The following IGSF10 variants were observed in gnomAD, a reference collection of about 807,000 sequenced individuals.
The protein encoded by IGSF10 is calvaria mechanical force protein 608.
IGSF10 carries 126 observed loss-of-function variants against 128.2 expected under a neutral mutation model. That is an observed-to-expected ratio of 0.98 (90% CI 0.85 to 1.14). The LOEUF (loss-of-function observed/expected upper bound fraction) is 1.14, where lower values mean the gene tolerates loss of function less well. IGSF10 is among the 50% of genes most tolerant of loss of function. The pLI is 0.00. For synonymous variants in IGSF10, 1,185 were observed against 1,146.2 expected (o/e 1.03, Z -0.68); for missense variants, 3,295 against 3,149.8 (o/e 1.05, Z -1.10).
chr3:151,504,410 C>G, the IGSF10 span, among the ~76,000 whole-genome samples: 37 of 152,130 alleles, frequency 2.4e-4, no homozygotes, highest in African/African-American at 8.9e-4. Flanking sequence ...GAGGTAATAC[C>G]TGAAGAGATA....
the IGSF10 span, among the ~76,000 whole-genome samples, chr3:151,530,029 G>A: frequency 3.3e-5 from 5 of 151,830 alleles, no homozygotes; most frequent in African/African-American, 1.2e-4. Context: ...ACCTGATGGA[G>A]CTGAAAAACA....
At chr3:151,590,610 A>C in the IGSF10 span, among the ~76,000 whole-genome samples, 1 of 152,198 alleles carries the variant, frequency 6.6e-6, no homozygotes, top group African/African-American at 2.4e-5. Flanking sequence ...CAGGAAAAAA[A>C]TGTGAGAGTG....
chr3:151,583,691 G>A, the IGSF10 span, among the ~76,000 whole-genome samples: 7 of 152,132 alleles, frequency 4.6e-5, no homozygotes, highest in South Asian at 4.1e-4. Context: ...AAACCTGCAC[G>A]TTGTGCACAT....
At chr3:151,532,612 C>T in the IGSF10 span, among the ~76,000 whole-genome samples, 591 of 152,158 alleles carry the variant, frequency 3.9e-3, 6 homozygotes, top group African/African-American at 0.012. Flanking sequence ...AAAAGGCCTT[C>T]GACAACACTC....
At chr3:151,484,019 C>T in the IGSF10 span, among the ~76,000 whole-genome samples, 1 of 152,244 alleles carries the variant, frequency 6.6e-6, no homozygotes, top group African/African-American at 2.4e-5. Context: ...CGGGTCCCAC[C>T]TCCACGGAGC....
At chr3:151,560,110 T>C in the IGSF10 span, among the ~76,000 whole-genome samples, 1 of 152,142 alleles carries the variant, frequency 6.6e-6, no homozygotes, top group Admixed American at 6.6e-5. Flanking sequence ...CTTTTTGGTA[T>C]ATTGATTATT....
At chr3:151,548,033 T>C in the IGSF10 span, among the ~76,000 whole-genome samples, 3 of 152,190 alleles carry the variant, frequency 2.0e-5, no homozygotes, top group Non-Finnish European at 4.4e-5. Context: ...TACTCTCCCA[T>C]TGAGATGTGT....
rs762166224 is a variant in IGSF10, at chr3:151,436,857, G to A, written c.7704C>T (p.Ser2568=). The A allele has an allele frequency of 1.2e-6, 2 of 1,614,158 alleles. No individual in the cohort carries two copies. The highest frequency in any genetic ancestry group is 1.7e-5 in the Admixed American group (1 of 60,016). Residue 2568 remains serine, a synonymous_variant, in exon 8 of 8, where the codon TCC becomes TCT. Transcript: ENST00000282466. ...PEITWEMPDH[S]LLSTASKERT... is the part of the protein sequence containing the mutation. ...TCTCTTTACTTGCCGTTGAGAGAAG[G>A]GAGTGGTCAGGCATCTCCCATGTGA...
chr3:151,535,558 G>A, the IGSF10 span, among the ~76,000 whole-genome samples: 1 of 152,140 alleles, frequency 6.6e-6, no homozygotes, highest in African/African-American at 2.4e-5. Context: ...ATATACTCAT[G>A]TAACAAACCT....
At chr3:151,558,864 CT>C in the IGSF10 span, among the ~76,000 whole-genome samples, 1 of 152,068 alleles carries the variant, frequency 6.6e-6, no homozygotes, top group Non-Finnish European at 1.5e-5. Flanking sequence ...TTGGAGAATT[CT>C]AGTGGATAGA....
At chr3:151,561,228 T>G in the IGSF10 span, among the ~76,000 whole-genome samples, 1 of 152,168 alleles carries the variant, frequency 6.6e-6, no homozygotes, top group African/African-American at 2.4e-5. Context: ...CTAAAAGTTT[T>G]TGATAATTTT....
the IGSF10 span, among the ~76,000 whole-genome samples, chr3:151,498,252 A>G: frequency 3.9e-5 from 6 of 152,024 alleles, no homozygotes. Context: ...GTCTTGTGCC[A>G]GTTTTCTAAT....
chr3:151,444,256 A>T (rs1368303848), intron 6 of IGSF10, among the ~76,000 whole-genome samples: 1 of 152,184 alleles, frequency 6.6e-6, no homozygotes, highest in African/African-American at 2.4e-5. Flanking sequence ...CCAAAAAAAA[A>T]AAATTAGGAC....
At chr3:151,455,919 G>T (rs1160885384) in intron 4 of IGSF10, among the ~76,000 whole-genome samples, 2 of 152,032 alleles carry the variant, frequency 1.3e-5, no homozygotes, top group Non-Finnish European at 2.9e-5. Context: ...TCCTGACTTG[G>T]CCTGAACTAT....
At chr3:151,543,756 TTGCTGAGTCA>T in the IGSF10 span, among the ~76,000 whole-genome samples, 1 of 152,194 alleles carries the variant, frequency 6.6e-6, no homozygotes, top group Non-Finnish European at 1.5e-5. Context: ...CCTGCCAAAC[TTGCTGAGTCA>T]TGCAGGCCTG....
chr3:151,478,103 C>A, the IGSF10 span, among the ~76,000 whole-genome samples: 1 of 152,226 alleles, frequency 6.6e-6, no homozygotes, highest in Non-Finnish European at 1.5e-5. Context: ...CCCCCACACC[C>A]TCAGGCAGCA....
At chr3:151,536,217 G>T in the IGSF10 span, among the ~76,000 whole-genome samples, 1 of 152,084 alleles carries the variant, frequency 6.6e-6, no homozygotes, top group Non-Finnish European at 1.5e-5. Context: ...TGGAGTCAAA[G>T]TCTGGATACT....
At chr3:151,531,310 G>A in the IGSF10 span, among the ~76,000 whole-genome samples, 1 of 152,136 alleles carries the variant, frequency 6.6e-6, no homozygotes, top group Non-Finnish European at 1.5e-5. Flanking sequence ...TCCAGGACTT[G>A]AACTCACCTC....
At chr3:151,585,870 C>T in the IGSF10 span, among the ~76,000 whole-genome samples, 5 of 151,960 alleles carry the variant, frequency 3.3e-5, no homozygotes, top group Non-Finnish European at 7.4e-5. Flanking sequence ...ACCTGGACAA[C>T]AAATTATTAA....
Sources: allele counts gnomAD v4.1 joint callset (sites outside exome capture counted in the v4.1 genomes callset), GRCh38; gene constraint gnomAD v4.1.1; transcripts MANE v1.5; gene names NCBI Gene and HGNC (gene_info 2026-07-23, HGNC 2026-07-21).